The following C2CD3 variants were observed in gnomAD, a reference collection of about 807,000 sequenced individuals.
The protein encoded by C2CD3 is C2 domain containing 3 centriole elongation regulator.
C2CD3 carries 148 observed loss-of-function variants against 234.0 expected under a neutral mutation model. The observed-to-expected ratio is 0.63, with a 90% CI of 0.55 to 0.72. The LOEUF is 0.72. Ranked by LOEUF, C2CD3 falls within the 30% of genes least tolerant of loss-of-function variation. The pLI is 0.00. For synonymous variants in C2CD3, 1,000 were observed against 1,035.4 expected, an observed-to-expected ratio of 0.97 and a Z score of 0.66; for missense variants, 2,577 against 2,811.5, an observed-to-expected ratio of 0.92 and a Z score of 1.89.
chr11:74,113,650 A>G (rs766307678), intron 11 of C2CD3, 130 bp downstream of exon 11: 1 of 703,714 alleles, frequency 1.4e-6, no homozygotes, highest in African/African-American at 1.8e-5. Context: ...ACCACACTCC[A>G]GCCTGGGCGA....
intron 13 of C2CD3, among the ~76,000 whole-genome samples, chr11:74,105,864 A>G (rs560323335): frequency 5.7e-4 from 87 of 152,302 alleles, no homozygotes; most frequent in Non-Finnish European, 9.7e-4. Context: ...AAATCAGATG[A>G]TGTCAGTCCC....
At chr11:74,097,632 C>T (rs1464555821) in intron 16 of C2CD3, among the ~76,000 whole-genome samples, 1 of 152,208 alleles carries the variant, frequency 6.6e-6, no homozygotes, top group African/African-American at 2.4e-5. Flanking sequence ...AGTAGATAAG[C>T]AAGCACTTCA....
intron 26 of C2CD3, among the ~76,000 whole-genome samples, chr11:74,050,566 A>G (rs77798092): frequency 0.034 from 5,170 of 152,286 alleles, 90 homozygotes; most frequent in Middle Eastern, 0.048. Context: ...GGCTGGATCT[A>G]CCAAACACTG....
At chr11:74,099,190 G>A (rs1184040110) in intron 15 of C2CD3, among the ~76,000 whole-genome samples, 1 of 152,186 alleles carries the variant, frequency 6.6e-6, no homozygotes, top group Non-Finnish European at 1.5e-5. Context: ...TGGCATCCAC[G>A]ATTCCAGCAG....
At chr11:74,131,812 T>C (rs1461666948) in intron 7 of C2CD3, among the ~76,000 whole-genome samples, 1 of 152,086 alleles carries the variant, frequency 6.6e-6, no homozygotes, top group Non-Finnish European at 1.5e-5. Context: ...ACTCTGGTGA[T>C]CCGCCCACCT....
chr11:74,089,981 G>A (rs1955813219), intron 20 of C2CD3, among the ~76,000 whole-genome samples: 1 of 152,190 alleles, frequency 6.6e-6, no homozygotes, highest in Admixed American at 6.5e-5. Flanking sequence ...ACCTGAAGGA[G>A]GTAAGGGAAA....
chr11:74,092,094 C>G (rs949911474), intron 19 of C2CD3, among the ~76,000 whole-genome samples: 1 of 150,714 alleles, frequency 6.6e-6, no homozygotes, highest in African/African-American at 2.4e-5. Flanking sequence ...CTTTTGTTGC[C>G]CAGGCTGGAG....
At chr11:74,096,787 A>G (rs1001837049) in intron 16 of C2CD3, among the ~76,000 whole-genome samples, 2 of 152,114 alleles carry the variant, frequency 1.3e-5, no homozygotes, top group Admixed American at 6.5e-5. Flanking sequence ...GCTTTTCTTT[A>G]TTTGTGCTTT....
Position 74,117,361 on chromosome 11 carries a change from A to AATATATATATATATATAT in C2CD3, c.1520+849_1520+866dup, listed in dbSNP as rs71469494. 2.8e-3 allele frequency among the ~76,000 whole-genome samples: 261 copies of AATATATATATATATATAT among 94,776 alleles called. 5 individuals are homozygous for AATATATATATATATATAT. Among genetic ancestry groups the AATATATATATATATATAT allele is most frequent in the African/African-American group, 7.6e-3 (186 of 24,590 alleles). 62.2% of individuals were successfully genotyped at this position (94,776 alleles called of 152,430 possible). ...ACATCGTCTAAGTCATTTGGCCTCA[A>AATATATATATATATATAT]ATATATATATATATATATATATATA... On this transcript the variant is annotated intron_variant, in intron 9 of 32. Coordinates refer to ENST00000334126, the MANE Select transcript of C2CD3 (RefSeq NM_001286577.2).
intron 3 of C2CD3, among the ~76,000 whole-genome samples, chr11:74,142,657 C>T (rs544974643): frequency 8.6e-5 from 13 of 151,936 alleles, no homozygotes; most frequent in East Asian, 1.9e-4. Context: ...ATCTTAAATA[C>T]GAATGAGGCA....
chr11:74,170,897 G>C lies in C2CD3; in HGVS notation c.-105C>G, dbSNP rs1474368395. 2.5e-6 allele frequency: 4 copies of C among 1,583,738 alleles called. No homozygotes were observed. Among genetic ancestry groups the C allele is most frequent in the Non-Finnish European group, 3.4e-6 (4 of 1,166,266 alleles). ...GCGCCTGCGTTCCCCGGCAACCGGC[G>C]CCGCTGGGCAGCCTGGGAGGCAGGA... On this transcript the variant is annotated 5_prime_UTR_variant, in exon 1 of 33. Coordinates refer to ENST00000334126, the MANE Select transcript of C2CD3 (RefSeq NM_001286577.2).
chr11:74,104,088 G>C (rs964977753), intron 13 of C2CD3, among the ~76,000 whole-genome samples: 1 of 152,114 alleles, frequency 6.6e-6, no homozygotes. Flanking sequence ...CAAAAGAGAC[G>C]GTAGAGTTAG....
intron 28 of C2CD3, 43 bp from the exon 29 acceptor site, chr11:74,042,261 C>A: frequency 6.4e-7 from 1 of 1,573,934 alleles, no homozygotes. Flanking sequence ...AAAATAAATT[C>A]CCAATCAATG....
chr11:74,097,299 A>G (rs559986673), intron 16 of C2CD3, among the ~76,000 whole-genome samples: 30 of 152,350 alleles, frequency 2.0e-4, no homozygotes, highest in Non-Finnish European at 4.1e-4. Context: ...ACTTAAGAAT[A>G]TAACATACTT....
At chr11:74,053,899 G>A (rs975609123) in intron 26 of C2CD3, among the ~76,000 whole-genome samples, 13 of 121,472 alleles carry the variant, frequency 1.1e-4, no homozygotes, top group Non-Finnish European at 1.8e-4. Flanking sequence ...AGGAGATTGC[G>A]GCAGGAGATT....
intron 20 of C2CD3, among the ~76,000 whole-genome samples, chr11:74,089,700 A>C (rs577231231): frequency 6.6e-6 from 1 of 152,252 alleles, no homozygotes; most frequent in African/African-American, 2.4e-5. Context: ...CTATGCTAGG[A>C]GGTTAGAAGG....
chr11:74,116,821 T>C (rs899980345), intron 9 of C2CD3, among the ~76,000 whole-genome samples: 2 of 93,314 alleles, frequency 2.1e-5, no homozygotes, highest in African/African-American at 8.1e-5. Context: ...TACACACACA[T>C]ATATACGTGT....
At chr11:74,118,152 C>A in intron 9 of C2CD3, 76 bp downstream of exon 9, 1 of 1,153,492 alleles carries the variant, frequency 8.7e-7, no homozygotes, top group South Asian at 1.5e-5. Context: ...GCAAATGGGT[C>A]ATTTCACCTT....
intron 12 of C2CD3, among the ~76,000 whole-genome samples, chr11:74,107,322 T>TCTCTCACACACACACACACACACACACA (rs948551188): frequency 6.8e-6 from 1 of 146,526 alleles, no homozygotes; most frequent in African/African-American, 2.5e-5. Context: ...TGAAACTGTG[T>TCTCTCACACACACACACACACACACACA]CACACACACA....
Sources: gnomAD v4.1 joint callset for allele counts (sites outside exome capture counted in the v4.1 genomes callset) on GRCh38, gnomAD v4.1.1 for gene constraint, MANE v1.5 for transcripts, NCBI Gene and HGNC (gene_info 2026-07-23, HGNC 2026-07-21) for gene names.